The following C4orf50 variants were observed in gnomAD, a reference collection of about 807,000 sequenced individuals.
The protein encoded by C4orf50 is chromosome 4 open reading frame 50, also known as uncharacterized protein C4orf50.
A neutral mutation model predicts 77.2 loss-of-function variants in C4orf50; 80 were observed. The observed-to-expected ratio is 1.04, with a 90% confidence interval of 0.87 to 1.25. The LOEUF is 1.25. Ranked by LOEUF, C4orf50 falls within the 50% of genes most tolerant of loss-of-function variation. C4orf50 has a pLI of 0.00. For missense variants in C4orf50, 1,257 were observed against 1,152.9 expected, an observed-to-expected ratio of 1.09 and a Z score of -1.31; for synonymous variants, 532 against 465.3, an observed-to-expected ratio of 1.14 and a Z score of -1.84.
At chr4:5,951,547 G>C (rs1718720745) in intron 7 of C4orf50, among the ~76,000 whole-genome samples, 1 of 152,206 alleles carries the variant, frequency 6.6e-6, no homozygotes, top group South Asian at 2.1e-4. Context: ...ATACAAATGT[G>C]AAGCTGAGAA....
chr4:5,917,112 C>A (rs1029861687), intron 7 of C4orf50, among the ~76,000 whole-genome samples: 1 of 152,130 alleles, frequency 6.6e-6, no homozygotes, highest in African/African-American at 2.4e-5. Context: ...TGATATAATT[C>A]TCAATTTGTA....
At position 5,992,245 on chromosome 4, in the gene C4orf50, T is replaced by C. The variant is rs915221949; in HGVS notation, c.1221+558A>G. Among the ~76,000 whole-genome samples, 1 of 152,150 alleles carries C rather than the reference T, an allele frequency of 6.6e-6. No individual in the cohort carries two copies. Among genetic ancestry groups the C allele is most frequent in the African/African-American group, 2.4e-5 (1 of 41,432 alleles). On this transcript the variant is annotated intron_variant, in intron 27 of 33. Coordinates refer to ENST00000531445, the Ensembl canonical transcript of C4orf50. The surrounding 1 kb of genome is among the most constrained non-coding windows in gnomAD (Gnocchi z 5.0). Reference sequence around the variant, plus strand: ...AAGAGATGATGGAGGGCCTCTCTATTTACAACCACACAACCACAGCCGGGC... The same window carrying C: ...AAGAGATGATGGAGGGCCTCTCTATCTACAACCACACAACCACAGCCGGGC...
chr4:5,912,649 TC>T (rs1716859537), intron 7 of C4orf50, among the ~76,000 whole-genome samples: 1 of 152,058 alleles, frequency 6.6e-6, no homozygotes, highest in South Asian at 2.1e-4. Flanking sequence ...TACTCACAGT[TC>T]CCTAGAGGAA....
intron 7 of C4orf50, among the ~76,000 whole-genome samples, chr4:5,915,385 A>T (rs1011701161): frequency 6.6e-6 from 1 of 152,220 alleles, no homozygotes; most frequent in Non-Finnish European, 1.5e-5. Flanking sequence ...TCATTAGCCA[A>T]CCAACAGCTA....
chr4:5,968,808 G>C (rs765032581), intron 31 of C4orf50, among the ~76,000 whole-genome samples: 5 of 152,166 alleles, frequency 3.3e-5, no homozygotes, highest in Non-Finnish European at 7.3e-5. Flanking sequence ...CGAGACTGGG[G>C]TTTTGTTCGC....
chr4:6,014,954 T>C (rs1722628242), intron 23 of C4orf50, among the ~76,000 whole-genome samples: 1 of 152,162 alleles, frequency 6.6e-6, no homozygotes. Context: ...TCTCTGTCTT[T>C]CCCTCCCCCA....
intron 25 of C4orf50, among the ~76,000 whole-genome samples, chr4:5,998,908 G>A (rs1721711891): frequency 6.6e-6 from 1 of 152,160 alleles, no homozygotes; most frequent in African/African-American, 2.4e-5. Context: ...CTTTTACCCT[G>A]AGCAGAAACC....
intron 7 of C4orf50, among the ~76,000 whole-genome samples, chr4:5,946,628 A>G (rs1362426715): frequency 6.6e-6 from 1 of 152,158 alleles, no homozygotes; most frequent in Non-Finnish European, 1.5e-5. Context: ...TCCTTTCATA[A>G]GCAACTTCCT....
At chr4:5,974,910 G>T (rs1032779043) in intron 30 of C4orf50, among the ~76,000 whole-genome samples, 2 of 151,884 alleles carry the variant, frequency 1.3e-5, no homozygotes, top group Admixed American at 1.3e-4. Flanking sequence ...AGGCCAAGAG[G>T]GGGTGGATCA....
rs575048578 is a variant in C4orf50, at chr4:5,966,883, C to T, written c.4153+531G>A. ...CAGGATGGTCTCCATCTCTTGACCT[C>T]GTGATCCGCCTGCCTCGGCCCCCCA... is the stretch of plus-strand genomic sequence containing the variant. On this transcript the variant is annotated intron_variant, in intron 32 of 33. Transcript: ENST00000531445. Among the ~76,000 whole-genome samples, 86 of 152,238 alleles carry T rather than the reference C, an allele frequency of 5.6e-4. No individual in the cohort carries two copies. In the East Asian group the frequency reaches 0.015, roughly 26 times the overall value.
chr4:5,982,759 TG>T (rs372045365), intron 28 of C4orf50, among the ~76,000 whole-genome samples: 2 of 152,126 alleles, frequency 1.3e-5, no homozygotes, highest in African/African-American at 4.8e-5. Context: ...GAGTAGGCTC[TG>T]ACTCATCTCT....
At chr4:5,924,225 C>G (rs1717410281) in intron 7 of C4orf50, among the ~76,000 whole-genome samples, 1 of 152,176 alleles carries the variant, frequency 6.6e-6, no homozygotes, top group Non-Finnish European at 1.5e-5. Context: ...TTAATAAACT[C>G]CCCTTCATAT....
intron 7 of C4orf50, among the ~76,000 whole-genome samples, chr4:5,928,125 A>G (rs899106623): frequency 6.6e-6 from 1 of 152,206 alleles, no homozygotes; most frequent in Non-Finnish European, 1.5e-5. Context: ...ATAAAGGGTA[A>G]ATGTTCATAA....
At chr4:5,988,837 A>G in exon 28 of C4orf50, 1 of 1,536,006 alleles carries the variant, frequency 6.5e-7, no homozygotes, top group Non-Finnish European at 8.7e-7. Flanking sequence ...ATCCTTTATC[A>G]GCTCTTTATA....
At chr4:5,994,778 GCAGGGTCATGGAC>G (rs138163993) in intron 25 of C4orf50, among the ~76,000 whole-genome samples, 17,388 of 152,204 alleles carry the variant, frequency 0.11, 1,537 homozygotes, top group African/African-American at 0.25. Context: ...ATCCCCTAAA[GCAGGGTCATGGAC>G]CAGACTGGTA....
chr4:5,906,367 T>C (rs1273904190), intron 7 of C4orf50, among the ~76,000 whole-genome samples: 4 of 149,158 alleles, frequency 2.7e-5, no homozygotes, highest in Non-Finnish European at 6.0e-5. Context: ...CAAACAGGAG[T>C]TTTCTGGGCA....
At chr4:5,989,171 A>T (rs1428952556) in exon 28 of C4orf50, 1 of 1,536,026 alleles carries the variant, frequency 6.5e-7, no homozygotes, top group Non-Finnish European at 8.7e-7. Flanking sequence ...TCAAGGGCGC[A>T]CACTCTTTCA....
intron 31 of C4orf50, among the ~76,000 whole-genome samples, chr4:5,968,322 C>T (rs1441708060): frequency 6.6e-6 from 1 of 152,222 alleles, no homozygotes; most frequent in Non-Finnish European, 1.5e-5. Flanking sequence ...TTCTCTGCTG[C>T]AGTGACACCT....
At chr4:5,948,848 C>G (rs1022327620) in intron 7 of C4orf50, among the ~76,000 whole-genome samples, 12 of 150,430 alleles carry the variant, frequency 8.0e-5, no homozygotes, top group Non-Finnish European at 1.6e-4. Context: ...GTATTCCCAG[C>G]TACTCGGGAG....
Sources: allele counts gnomAD v4.1 joint callset (sites outside exome capture counted in the v4.1 genomes callset), GRCh38; gene constraint gnomAD v4.1.1; non-coding constraint Gnocchi (gnomAD v3.1); transcripts MANE v1.5; gene names NCBI Gene and HGNC (gene_info 2026-07-23, HGNC 2026-07-21).